FAM228B: variants seen among roughly 807,000 people sequenced by gnomAD.
The protein encoded by FAM228B is protein FAM228B.
In FAM228B, 38 loss-of-function variants were observed where a neutral mutation model predicts 42.6. That is an observed-to-expected ratio of 0.89 (90% CI 0.69 to 1.17). The LOEUF is 1.17. Ranked by LOEUF, FAM228B falls within the 50% of genes most tolerant of loss-of-function variation. The pLI, the probability that FAM228B is intolerant of heterozygous loss-of-function variation, is 0.00. For missense variants in FAM228B, 344 were observed against 367.3 expected, an observed-to-expected ratio of 0.94 and a Z score of 0.52; for synonymous variants, 109 against 122.3, an observed-to-expected ratio of 0.89 and a Z score of 0.72.
At chr2:24,117,014 A>AT (rs58867611) in intron 3 of FAM228B, among the ~76,000 whole-genome samples, 23,991 of 131,880 alleles carry the variant, frequency 0.18, 2,960 homozygotes, top group Middle Eastern at 0.25. Flanking sequence ...ACAATCCTGC[A>AT]TTTTTTTTTT....
chr2:24,108,083 C>T (rs781049277), intron 3 of FAM228B, among the ~76,000 whole-genome samples: 7 of 152,052 alleles, frequency 4.6e-5, no homozygotes. Flanking sequence ...TTAGAAATTA[C>T]AAAGAGGAGG....
At chr2:24,085,636 C>T (rs1007602326) in intron 2 of FAM228B, 1 of 152,194 alleles carries the variant, frequency 6.6e-6, no homozygotes, top group African/African-American at 2.4e-5. Context: ...TAGAATCCCC[C>T]TTACCCCTGA....
chr2:24,081,041 A>C (rs1664979732), intron 2 of FAM228B: 1 of 1,610,790 alleles, frequency 6.2e-7, no homozygotes, highest in East Asian at 2.2e-5. Context: ...CCTGTGACAG[A>C]AAGTACAGGG....
chr2:24,158,196 C>CTTTTTTTTTTTTTTTTTTTTTTTT lies in FAM228B; in HGVS notation c.687-3293_687-3292insTTTTTTTTTTTTTTTTTTTTTTTT, dbSNP rs1322122366. Among the ~76,000 whole-genome samples the CTTTTTTTTTTTTTTTTTTTTTTTT allele has an allele frequency of 7.5e-4, 40 of 53,202 alleles. 16 individuals carry two copies. Among genetic ancestry groups the CTTTTTTTTTTTTTTTTTTTTTTTT allele is most frequent in the Non-Finnish European group, 1.1e-3 (36 of 33,026 alleles). The allele number at this position is 53,202 out of a possible 152,430, so 34.9% of individuals were successfully genotyped here. The stretch of plus-strand genomic sequence containing the variant: ...ATGCTGGGCTTTCTCTCTGAACCTC[C>CTTTTTTTTTTTTTTTTTTTTTTTT]TTTTTTTTTTTTTTTTTCCAAAACA... On this transcript the variant is annotated intron_variant, in intron 7 of 10. Coordinates refer to ENST00000615575, the MANE Select transcript of FAM228B (RefSeq NM_001145710.2).
chr2:24,085,020 G>A (rs953584094), intron 2 of FAM228B: 5 of 152,164 alleles, frequency 3.3e-5, no homozygotes, highest in African/African-American at 4.8e-5. Context: ...CAGAAAGTGC[G>A]ATTCTAGCTC....
chr2:24,101,977 C>A (rs1421577006), intron 3 of FAM228B, among the ~76,000 whole-genome samples: 1 of 152,076 alleles, frequency 6.6e-6, no homozygotes, highest in Admixed American at 6.6e-5. Flanking sequence ...CTACCGCGCC[C>A]GGTCCCTATT....
At chr2:24,132,336 C>T (rs1168036718) in intron 2 of FAM228B, among the ~76,000 whole-genome samples, 3 of 152,014 alleles carry the variant, frequency 2.0e-5, no homozygotes, top group African/African-American at 7.2e-5. Flanking sequence ...AGGATGATGG[C>T]CTCATACAAT....
chr2:24,084,153 G>A lies in FAM228B; in HGVS notation c.-210+3198G>A. On this transcript the variant is annotated intron_variant, in intron 2 of 10. Coordinates refer to the FAM228B transcript ENST00000613899. This position sits in a 1 kb window ranked among gnomAD's most constrained non-coding sequence, Gnocchi z 8.4. ...GTGCTGTTGAGAGGGAGGCTCTGGA[G>A]TCCCGCCCGCCCCGGCGCGGCTGAG... is the stretch of plus-strand genomic sequence containing the variant. The A allele has an allele frequency of 4.4e-6, 7 of 1,585,408 alleles. No individual in the cohort carries two copies. Among genetic ancestry groups the A allele is most frequent in the Non-Finnish European group, 5.1e-6 (6 of 1,168,630 alleles).
chr2:24,118,944 T>C (rs554883689), upstream of FAM228B, among the ~76,000 whole-genome samples: 2 of 152,284 alleles, frequency 1.3e-5, no homozygotes, highest in Non-Finnish European at 2.9e-5. Context: ...TTTTGAAAAA[T>C]CTAAACACAA....
intron 3 of FAM228B, among the ~76,000 whole-genome samples, chr2:24,102,156 A>G (rs1665622124): frequency 6.6e-6 from 1 of 152,162 alleles, no homozygotes; most frequent in Non-Finnish European, 1.5e-5. Flanking sequence ...ATTAGCTGAC[A>G]ACTTAATTAG....
chr2:24,085,008 G>C (rs1384623166), intron 2 of FAM228B: 3 of 152,158 alleles, frequency 2.0e-5, no homozygotes, highest in African/African-American at 4.8e-5. Flanking sequence ...CTCTCAGCTT[G>C]ACAGAAAGTG....
At chr2:24,100,063 C>A (rs1262163604) in intron 3 of FAM228B, among the ~76,000 whole-genome samples, 1 of 152,094 alleles carries the variant, frequency 6.6e-6, no homozygotes, top group Non-Finnish European at 1.5e-5. Context: ...ACTGGCTAGC[C>A]ATATGTAGAA....
chr2:24,143,699 TAGAA>T lies in FAM228B; in HGVS notation c.442-3045_442-3042del, dbSNP rs373915743. Among the ~76,000 whole-genome samples the T allele has an allele frequency of 3.6e-3, 555 of 152,326 alleles. 6 individuals carry two copies. Among genetic ancestry groups the T allele is most frequent in the African/African-American group, 0.013 (544 of 41,576 alleles). On this transcript the variant is annotated intron_variant, in intron 5 of 10. Coordinates refer to ENST00000615575, the MANE Select transcript of FAM228B (RefSeq NM_001145710.2). ...TTTCAGGAAATAGAGTTATTTTTCA[TAGAA>T]AGATATGTTAAACATAACAGGCATA...
At chr2:24,096,103 T>C (rs1195286458) in intron 3 of FAM228B, 3 of 152,146 alleles carry the variant, frequency 2.0e-5, no homozygotes, top group African/African-American at 4.8e-5. Flanking sequence ...AAAAAGGTCA[T>C]CTACACCAAA....
chr2:24,109,443 A>G (rs1325166264), intron 3 of FAM228B, among the ~76,000 whole-genome samples: 1 of 152,200 alleles, frequency 6.6e-6, no homozygotes, highest in Non-Finnish European at 1.5e-5. Context: ...AAATTGACAA[A>G]TGGCATGTAA....
At chr2:24,166,054 A>AATAATATATATATAT (rs1667400486) in intron 9 of FAM228B, 1 of 81,030 alleles carries the variant, frequency 1.2e-5, no homozygotes, top group African/African-American at 4.0e-5. Context: ...AAAAAAAAAA[A>AATAATATATATATAT]ATATATATAT....
chr2:24,083,267 G>T, intron 2 of FAM228B: 2 of 1,387,108 alleles, frequency 1.4e-6, no homozygotes, highest in Non-Finnish European at 9.7e-7. Context: ...ATTTCAGAAT[G>T]AAGTCAGGTT....
intron 2 of FAM228B, among the ~76,000 whole-genome samples, chr2:24,094,308 G>A (rs1198839522): frequency 6.6e-6 from 1 of 152,122 alleles, no homozygotes; most frequent in Non-Finnish European, 1.5e-5. Context: ...CTGGGCTTAA[G>A]TGATCTTCCT....
intron 2 of FAM228B, chr2:24,083,237 C>T: frequency 9.9e-6 from 13 of 1,316,702 alleles, no homozygotes; most frequent in Admixed American, 5.4e-5. Flanking sequence ...AAGATCCCCT[C>T]TTTTTTTTTT....
Sources: allele counts gnomAD v4.1 joint callset (sites outside exome capture counted in the v4.1 genomes callset), GRCh38; gene constraint gnomAD v4.1.1; non-coding constraint Gnocchi (gnomAD v3.1); transcripts MANE v1.5; gene names NCBI Gene and HGNC (gene_info 2026-07-23, HGNC 2026-07-21).